The following HERC6 variants were observed in gnomAD, a reference collection of about 807,000 sequenced individuals.
HERC6 encodes the protein probable E3 ubiquitin-protein ligase HERC6.
A neutral mutation model predicts 114.5 loss-of-function variants in HERC6; 101 were observed. The observed-to-expected ratio is 0.88, with a 90% CI of 0.75 to 1.04. The LOEUF (loss-of-function observed/expected upper bound fraction) is 1.04. Among genes scored for constraint, HERC6 ranks in the 50% least tolerant of loss-of-function variants. The pLI, the probability that HERC6 is intolerant of heterozygous loss-of-function variation, is 0.00. For synonymous variants in HERC6, 408 were observed against 436.2 expected, an observed-to-expected ratio of 0.94 and a Z score of 0.81; for missense variants, 1,133 against 1,230.9, an observed-to-expected ratio of 0.92 and a Z score of 1.19.
intron 3 of HERC6, among the ~76,000 whole-genome samples, chr4:88,389,813 A>G (rs1734796987): frequency 6.6e-6 from 1 of 152,178 alleles, no homozygotes; most frequent in African/African-American, 2.4e-5. Context: ...GGAAGACATC[A>G]TGCTAAGTGA....
At chr4:88,434,440 A>C (rs896224008) in intron 17 of HERC6, among the ~76,000 whole-genome samples, 1 of 152,240 alleles carries the variant, frequency 6.6e-6, no homozygotes, top group African/African-American at 2.4e-5. Context: ...GAGGGGACTG[A>C]AGTGATTGCA....
At chr4:88,414,995 C>T (rs1021219357) in intron 12 of HERC6, among the ~76,000 whole-genome samples, 3 of 152,102 alleles carry the variant, frequency 2.0e-5, no homozygotes, top group African/African-American at 7.2e-5. Context: ...CCACTGCACT[C>T]CAGCCTGGGT....
rs760790750 is a variant in HERC6 at position 88,413,084 on chromosome 4, C to A, written c.1376C>A (p.Thr459Lys). ...ATCCTATTTTTACCACAGATAACTA[C>A]GTGTCTCGAGGATGATCTGCTCAGA... ...KKEWISSMIT[T>K]CLEDDLLRAL... The change falls in exon 12 of 23, where the codon ACG becomes AAG. Residue 459 changes from threonine to lysine, a missense_variant. Coordinates refer to ENST00000264346, the MANE Select transcript of HERC6 (RefSeq NM_017912.4). 2 of 1,604,860 alleles carry A rather than the reference C, an allele frequency of 1.2e-6. No individual in the cohort carries two copies. The highest frequency in any genetic ancestry group is 1.7e-5 in the Admixed American group (1 of 57,154).
chr4:88,379,195 G>C (rs527743854), intron 1 of HERC6, 75 bp downstream of exon 1: 1 of 1,237,420 alleles, frequency 8.1e-7, no homozygotes, highest in East Asian at 2.8e-5. Flanking sequence ...CCGGGCGCAG[G>C]GAACCGGGTG....
In HERC6 at chr4:88,398,069, T is replaced by C. The variant is rs1735339707; in HGVS notation, c.1025-73T>C. On this transcript the variant is annotated intron_variant, in intron 7 of 22. Coordinates refer to ENST00000264346, the MANE Select transcript of HERC6 (RefSeq NM_017912.4). ...TAAATTGCCAGTAAGTAAATAAATTTTTGGCTTGATAATACATCAGATTTA... is the reference window on the plus strand; with the variant it reads ...TAAATTGCCAGTAAGTAAATAAATTCTTGGCTTGATAATACATCAGATTTA... 6 of 914,484 alleles carry C rather than the reference T, an allele frequency of 6.6e-6. 1 individual carries two copies. The East Asian group carries it at 1.7e-4, about 26-fold the overall frequency. 56.6% of individuals were successfully genotyped at this position (914,484 alleles called of 1,614,324 possible).
At chr4:88,436,288 GAATA>G (rs1350475826) in intron 18 of HERC6, among the ~76,000 whole-genome samples, 1 of 152,118 alleles carries the variant, frequency 6.6e-6, no homozygotes, top group Non-Finnish European at 1.5e-5. Flanking sequence ...GTAATTGAGG[GAATA>G]AATAAAAATG....
At chr4:88,392,933 C>G (rs796328663) in intron 4 of HERC6, among the ~76,000 whole-genome samples, 10 of 152,314 alleles carry the variant, frequency 6.6e-5, no homozygotes, top group African/African-American at 2.4e-4. Context: ...AGAAGTTCCC[C>G]CTTGCCTCAA....
chr4:88,442,277 G>A lies in HERC6; in HGVS notation c.2886G>A (p.Gln962=). 1 of 1,613,440 alleles carries A rather than the reference G, an allele frequency of 6.2e-7. No homozygotes were observed. The highest frequency in any genetic ancestry group is 2.2e-5 in the East Asian group (1 of 44,872). ...ATAGGCTGCATGCAAGAGGCATACA[G>A]AAAATGGAAATAGTATTTCGCTGTC... ...GRDRLHARGI[Q]KMEIVFRCPE... is the part of the protein sequence containing the mutation. The change falls in exon 23 of 23, where the codon CAG becomes CAA. Residue 962 remains glutamine (Q), a synonymous_variant. Coordinates refer to ENST00000264346, the MANE Select transcript of HERC6 (RefSeq NM_017912.4).
intron 8 of HERC6, among the ~76,000 whole-genome samples, chr4:88,401,720 C>T (rs1408767205): frequency 6.6e-6 from 1 of 152,022 alleles, no homozygotes; most frequent in Non-Finnish European, 1.5e-5. Context: ...AGACAAGGTC[C>T]CCATCTGAGC....
intron 9 of HERC6, 69 bp from the exon 10 acceptor site, chr4:88,405,485 C>A: frequency 1.3e-6 from 1 of 744,944 alleles, no homozygotes; most frequent in Admixed American, 3.1e-5. Context: ...CTTATTCAGA[C>A]ATAATAAGAT....
intron 13 of HERC6, among the ~76,000 whole-genome samples, chr4:88,421,203 T>C (rs1014454478): frequency 2.6e-5 from 4 of 152,214 alleles, no homozygotes. Context: ...TGATGGATAT[T>C]TGGGTTATTT....
In HERC6 at chr4:88,437,194, T is replaced by C. The variant is rs150101018; in HGVS notation, c.2484+223T>C. Among the ~76,000 whole-genome samples, 1,110 of 152,006 alleles carry C rather than the reference T, an allele frequency of 7.3e-3. 12 individuals carry two copies. Among genetic ancestry groups the C allele is most frequent in the African/African-American group, 0.025 (1,027 of 41,440 alleles). ...ACCTCAGCCTCCTGAGTAGCTGGGA[T>C]TATGGGCATGCGACACCATGCCTGG... On this transcript the variant is annotated intron_variant, in intron 19 of 22. Transcript: ENST00000264346.
In HERC6 at chr4:88,413,694, T is replaced by C. The variant is rs368567821; in HGVS notation, c.1558+428T>C. 1.1e-4 allele frequency among the ~76,000 whole-genome samples: 17 copies of C among 152,366 alleles called. 1 individual carries two copies. The highest frequency in any genetic ancestry group is 3.4e-4 in the African/African-American group (14 of 41,584). On this transcript the variant is annotated intron_variant, in intron 12 of 22. Coordinates refer to ENST00000264346, the MANE Select transcript of HERC6 (RefSeq NM_017912.4). ...ATTTACTTTATTCAGTACTGTATTA[T>C]GTCCTTTTATAGCTTTTAGCGTATA...
chr4:88,420,182 T>C (rs559850027), intron 13 of HERC6, among the ~76,000 whole-genome samples: 31 of 152,376 alleles, frequency 2.0e-4, no homozygotes, highest in Admixed American at 1.7e-3. Context: ...CGCTTTGTAG[T>C]ACTCCTTGTG....
chr4:88,424,906 C>T (rs1737445433), intron 15 of HERC6, among the ~76,000 whole-genome samples: 2 of 152,124 alleles, frequency 1.3e-5, no homozygotes, highest in South Asian at 4.1e-4. Context: ...TTCACCTGCC[C>T]ATACTTCAAT....
chr4:88,405,100 A>C (rs1735757101), intron 9 of HERC6, 103 bp downstream of exon 9: 2 of 1,407,080 alleles, frequency 1.4e-6, no homozygotes, highest in Admixed American at 4.3e-5. Flanking sequence ...AGGTATTTGC[A>C]TTTTGACCAT....
At chr4:88,405,392 A>C (rs1381844804) in intron 9 of HERC6, among the ~76,000 whole-genome samples, 162 bp from the exon 10 acceptor site, 1 of 152,238 alleles carries the variant, frequency 6.6e-6, no homozygotes, top group African/African-American at 2.4e-5. Flanking sequence ...TTTAGAAATA[A>C]TATGAACAAA....
Position 88,439,371 on chromosome 4 carries a change from AG to A in HERC6, c.2556-502del, listed in dbSNP as rs1348795941. On this transcript the variant is annotated intron_variant, in intron 20 of 22. Transcript: ENST00000264346. Reference sequence around the variant, plus strand: ...AAAAAAAGAAAGAAAAAGAAAGGAAAGAGAAAGAAAGAAGAAAGAAAGAAAA... The same window carrying A: ...AAAAAAAGAAAGAAAAAGAAAGGAAAAGAAAGAAAGAAGAAAGAAAGAAAA... Among the ~76,000 whole-genome samples the A allele has an allele frequency of 6.7e-3, 1,008 of 151,510 alleles. 9 individuals carry two copies. Among genetic ancestry groups the A allele is most frequent in the African/African-American group, 0.023 (936 of 41,038 alleles).
intron 8 of HERC6, chr4:88,399,273 ATAGT>A (rs1166683338): frequency 1.3e-5 from 2 of 152,132 alleles, no homozygotes; most frequent in African/African-American, 4.8e-5. Flanking sequence ...TGCTGTTGGG[ATAGT>A]TAGGAGACTA....
Sources: allele counts gnomAD v4.1 joint callset (sites outside exome capture counted in the v4.1 genomes callset), GRCh38; gene constraint gnomAD v4.1.1; transcripts MANE v1.5; gene names NCBI Gene and HGNC (gene_info 2026-07-23, HGNC 2026-07-21).